The following TRIB3 variants were observed in gnomAD, a reference collection of about 807,000 sequenced individuals.
TRIB3 encodes tribbles pseudokinase 3.
A neutral mutation model predicts 16.6 loss-of-function variants in TRIB3; 20 were observed. The observed-to-expected ratio is 1.20, with a 90% CI of 0.85 to 1.75. The LOEUF is 1.75. TRIB3 is among the 40% of genes most tolerant of loss of function. The pLI is 0.00. For synonymous variants in TRIB3, 208 were observed against 217.0 expected (o/e 0.96, Z 0.36); for missense variants, 484 against 488.9 (o/e 0.99, Z 0.10).
rs1343840941 is a variant in TRIB3, at chr20:388,042, G to T, written c.32G>T (p.Gly11Val). The change falls in exon 2 of 4, where the codon GGT becomes GTT. Residue 11 changes from glycine (G) to valine (V), a missense_variant. Physicochemically the swap from Gly to Val is moderately radical, Grantham distance 109 (BLOSUM62 -3). Coordinates refer to ENST00000217233, the MANE Select transcript of TRIB3 (RefSeq NM_021158.5). The part of the protein sequence containing the change: MRATPLAAPA[G>V]SLSRKKRLEL... ...GCCACCCCTCTGGCTGCTCCTGCGGGTTCCCTGTCCAGGAAGAAGCGGTTG... is the reference window on the plus strand; with the variant it reads ...GCCACCCCTCTGGCTGCTCCTGCGGTTTCCCTGTCCAGGAAGAAGCGGTTG... The T allele has an allele frequency of 6.2e-7, 1 of 1,613,868 alleles. No individual in the cohort carries two copies. The highest frequency in any genetic ancestry group is 1.3e-5 in the African/African-American group (1 of 74,914).
intron 2 of TRIB3, among the ~76,000 whole-genome samples, chr20:388,569 G>A (rs539238009): frequency 7.2e-5 from 11 of 152,222 alleles, no homozygotes; most frequent in African/African-American, 2.2e-4. Context: ...AGAAAAGGCC[G>A]AGCAGAAGTT....
intron 1 of TRIB3, among the ~76,000 whole-genome samples, chr20:386,282 A>C (rs566065291): frequency 1.3e-5 from 2 of 151,950 alleles, no homozygotes; most frequent in African/African-American, 4.8e-5. Context: ...GAACAAGATC[A>C]TATCTCTCAT....
chr20:396,077 C>T, intron 3 of TRIB3, 121 bp from the exon 4 acceptor site: 2 of 1,432,176 alleles, frequency 1.4e-6, no homozygotes, highest in Non-Finnish European at 1.9e-6. Context: ...ACAGGACTGG[C>T]TTGTGTCTGT....
At chr20:385,205 T>C (rs1304796292) in intron 1 of TRIB3, among the ~76,000 whole-genome samples, 2 of 152,252 alleles carry the variant, frequency 1.3e-5, no homozygotes, top group Non-Finnish European at 2.9e-5. Context: ...CTTTGCCTCC[T>C]GGGTTCAAGC....
intron 1 of TRIB3, chr20:382,335 G>A (rs1240462640): frequency 1.8e-6 from 1 of 567,702 alleles, no homozygotes; most frequent in African/African-American, 1.9e-5. Context: ...GCTTATCCCA[G>A]GCCCCAACAG....
In TRIB3 at chr20:388,247, C is replaced by A. The variant is rs764667685; in HGVS notation, c.237C>A (p.Gly79=). ...ATGTCCTCCTGGAGCCCGAGGAGGG[C>A]GGGCGGGCCTACCAGGCCCTGCACT... is the stretch of plus-strand genomic sequence containing the variant. ...GPYVLLEPEE[G]GRAYQALHCP... is the part of the protein sequence containing the mutation. Residue 79 remains glycine, a synonymous_variant, in exon 2 of 4, where the codon GGC becomes GGA. Transcript: ENST00000217233. The A allele has an allele frequency of 6.2e-7, 1 of 1,613,440 alleles. No homozygotes were observed. Among genetic ancestry groups the A allele is most frequent in the Non-Finnish European group, 8.5e-7 (1 of 1,180,006 alleles).
chr20:384,219 G>T (rs1189336256), intron 1 of TRIB3, among the ~76,000 whole-genome samples: 1 of 152,102 alleles, frequency 6.6e-6, no homozygotes, highest in Admixed American at 6.5e-5. Context: ...CACCCTAAAA[G>T]CATGATGTTC....
At chr20:387,896 C>A in intron 1 of TRIB3, 115 bp from the exon 2 acceptor site, 1 of 1,250,426 alleles carries the variant, frequency 8.0e-7, no homozygotes, top group Non-Finnish European at 1.1e-6. Context: ...GTCATTTTAA[C>A]ACACACTGCC....
At chr20:384,536 GT>G (rs549376564) in intron 1 of TRIB3, among the ~76,000 whole-genome samples, 23 of 152,040 alleles carry the variant, frequency 1.5e-4, no homozygotes, top group Non-Finnish European at 1.6e-4. Flanking sequence ...CCTAATTTTT[GT>G]ATGTTTAGTA....
At chr20:386,654 C>T (rs1402707275) in intron 1 of TRIB3, among the ~76,000 whole-genome samples, 1 of 152,076 alleles carries the variant, frequency 6.6e-6, no homozygotes, top group Non-Finnish European at 1.5e-5. Flanking sequence ...CTCACTGCAA[C>T]CTCCACCTCC....
At chr20:382,823 TG>T (rs2014699225) in intron 1 of TRIB3, among the ~76,000 whole-genome samples, 1 of 152,232 alleles carries the variant, frequency 6.6e-6, no homozygotes, top group South Asian at 2.1e-4. Context: ...CACTCCTTAC[TG>T]CATTCTTACC....
intron 3 of TRIB3, among the ~76,000 whole-genome samples, chr20:393,023 G>T (rs62191444): frequency 0.2 from 30,137 of 148,914 alleles, 3,507 homozygotes; most frequent in African/African-American, 0.31. Context: ...GTGACCCCAT[G>T]GCATTTTAAA....
chr20:386,359 A>C (rs1162474727), intron 1 of TRIB3, among the ~76,000 whole-genome samples: 1 of 152,132 alleles, frequency 6.6e-6, no homozygotes, highest in African/African-American at 2.4e-5. Context: ...TTTTAGAAAC[A>C]AGCTGTGTTT....
rs540259827 is a variant in TRIB3, at chr20:383,636, C to T, written c.-1+2467C>T. On this transcript the variant is annotated intron_variant, in intron 1 of 3. Transcript: ENST00000217233. ...TTTTTTTTTCTTAGGGACAGGGTCT[C>T]GCTACGTTGCCTAGGCTGGTCTTGA... 1.5e-3 allele frequency among the ~76,000 whole-genome samples: 231 copies of T among 152,148 alleles called. 2 individuals carry two copies. Among genetic ancestry groups the T allele is most frequent in the Non-Finnish European group, 1.7e-3 (114 of 67,994 alleles).
chr20:382,525 A>G, intron 1 of TRIB3: 1 of 1,535,434 alleles, frequency 6.5e-7, no homozygotes, highest in Non-Finnish European at 8.7e-7. Flanking sequence ...GAACCTGGGG[A>G]GCTTTCTAAG....
chr20:385,299 G>A (rs2014772544), intron 1 of TRIB3, among the ~76,000 whole-genome samples: 2 of 151,720 alleles, frequency 1.3e-5, no homozygotes, highest in South Asian at 4.2e-4. Context: ...TTTTAGTAGA[G>A]ACGGGGTTTC....
Position 391,329 on chromosome 20 carries a change from G to A in TRIB3, c.334G>A (p.Ala112Thr), listed in dbSNP as rs1308182353. The A allele has an allele frequency of 3.7e-6, 6 of 1,613,086 alleles. No individual in the cohort carries two copies. The highest frequency in any genetic ancestry group is 2.2e-5 in the East Asian group (1 of 44,892). The change falls in exon 3 of 4, where the codon GCG (alanine) becomes ACG (threonine). Residue 112 changes from alanine to threonine, a missense_variant. By Grantham distance (58) the Ala-to-Thr change is moderately conservative. Coordinates refer to ENST00000217233, the MANE Select transcript of TRIB3 (RefSeq NM_021158.5). ...AGCCCTGGCCGTGCTGGAGCCCTAT[G>A]CGCGGCTGCCCCCGCACAAGCATGT... ...QEALAVLEPYARLPPHKHVAR... is the reference protein window; with the variant it reads ...QEALAVLEPYTRLPPHKHVAR...
In TRIB3 at chr20:396,505, C is replaced by G. The variant is rs142647921; in HGVS notation, c.892C>G (p.Arg298Gly). The change falls in exon 4 of 4, where the codon CGG becomes GGG. Residue 298 changes from arginine to glycine, a missense_variant. Physicochemically the swap from Arg to Gly is moderately radical, Grantham distance 125 (BLOSUM62 -2). Coordinates refer to ENST00000217233, the MANE Select transcript of TRIB3 (RefSeq NM_021158.5). ...ARCLVRCLLRREPAERLTATG... is the reference protein window; with the variant it reads ...ARCLVRCLLRGEPAERLTATG... ...CTGTCTGGTTCGCTGCCTCCTTCGT[C>G]GGGAGCCAGCTGAACGGCTCACAGC... 6.2e-7 allele frequency: 1 copy of G among 1,613,084 alleles called. No individual in the cohort carries two copies.
intron 2 of TRIB3, among the ~76,000 whole-genome samples, chr20:389,802 A>G (rs2014924124): frequency 6.6e-6 from 1 of 152,240 alleles, no homozygotes; most frequent in African/African-American, 2.4e-5. Flanking sequence ...GCCAATGTGC[A>G]CCATGGGTGC....
Sources: gnomAD v4.1 joint callset for allele counts (sites outside exome capture counted in the v4.1 genomes callset) on GRCh38, gnomAD v4.1.1 for gene constraint, MANE v1.5 for transcripts, NCBI Gene and HGNC (gene_info 2026-07-23, HGNC 2026-07-21) for gene names.